Variants in EML6 observed in about 807,000 individuals in gnomAD.
EML6 encodes echinoderm microtubule-associated protein-like 6.
EML6 carries 154 observed loss-of-function variants against 240.1 expected under a neutral mutation model. The ratio of observed to expected loss-of-function variants is 0.64; its 90% confidence interval spans 0.56 to 0.73. The LOEUF (loss-of-function observed/expected upper bound fraction) is 0.73, where lower values mean the gene tolerates loss of function less well. EML6 is among the 30% of genes least tolerant of loss of function. EML6 has a pLI of 0.00. For missense variants in EML6, 2,964 were observed against 2,474.6 expected (o/e 1.20, Z -4.20); for synonymous variants, 1,148 against 899.0 (o/e 1.28, Z -4.95).
At chr2:54,897,358 G>A (rs1157137049) in intron 21 of EML6, among the ~76,000 whole-genome samples, 1 of 152,164 alleles carries the variant, frequency 6.6e-6, no homozygotes, top group Non-Finnish European at 1.5e-5. Flanking sequence ...AATAACCACA[G>A]CAATCATATA....
intron 39 of EML6, among the ~76,000 whole-genome samples, chr2:54,967,681 G>A (rs971874896): frequency 1.3e-5 from 2 of 152,154 alleles, no homozygotes; most frequent in East Asian, 3.9e-4. Flanking sequence ...GAAGGGGACA[G>A]ATGCTTTCAT....
intron 41 of EML6, 82 bp from the exon 42 acceptor site, chr2:54,969,989 C>A: frequency 6.9e-7 from 1 of 1,442,946 alleles, no homozygotes; most frequent in Non-Finnish European, 9.5e-7. Context: ...GACTTTTGAG[C>A]ACTTGGCAAG....
At chr2:54,909,595 C>T (rs929314521) in intron 24 of EML6, among the ~76,000 whole-genome samples, 1 of 152,070 alleles carries the variant, frequency 6.6e-6, no homozygotes, top group Non-Finnish European at 1.5e-5. Context: ...CATATAATCC[C>T]AGCACTTTGG....
chr2:54,872,389 A>T (rs763864416), intron 16 of EML6, among the ~76,000 whole-genome samples: 1 of 152,178 alleles, frequency 6.6e-6, no homozygotes, highest in Non-Finnish European at 1.5e-5. Flanking sequence ...TATAACGTGT[A>T]ATATTATTAA....
intron 2 of EML6, among the ~76,000 whole-genome samples, chr2:54,808,397 G>T (rs112893476): frequency 6.6e-6 from 1 of 152,076 alleles, no homozygotes; most frequent in Non-Finnish European, 1.5e-5. Context: ...CCCTTCTGTC[G>T]TCAGACAATG....
intron 28 of EML6, among the ~76,000 whole-genome samples, chr2:54,935,885 C>G (rs1396617512): frequency 6.6e-6 from 1 of 152,060 alleles, no homozygotes; most frequent in Non-Finnish European, 1.5e-5. Context: ...AAAAAATTAG[C>G]TGGGAATGAA....
intron 21 of EML6, among the ~76,000 whole-genome samples, chr2:54,897,694 CT>C (rs5831328): frequency 0.88 from 130,186 of 147,852 alleles, 57,300 homozygotes; most frequent in Admixed American, 0.89. Flanking sequence ...CATTCTCTCC[CT>C]TTTTTTTTTT....
At chr2:54,905,279 T>C (rs1415554487) in intron 24 of EML6, among the ~76,000 whole-genome samples, 1 of 150,418 alleles carries the variant, frequency 6.6e-6, no homozygotes, top group African/African-American at 2.5e-5. Context: ...TGCTATTCTC[T>C]TGCCAGGTAG....
intron 2 of EML6, among the ~76,000 whole-genome samples, chr2:54,735,618 G>A (rs1422067598): frequency 6.6e-6 from 1 of 152,174 alleles, no homozygotes; most frequent in East Asian, 1.9e-4. Flanking sequence ...CAGCCATTGA[G>A]GACATAATGT....
At position 54,844,207 on chromosome 2, in the gene EML6, G is replaced by C. The variant is rs1354298400; in HGVS notation, c.1008G>C (p.Lys336Asn). 3 of 1,551,596 alleles carry C rather than the reference G, an allele frequency of 1.9e-6. No individual in the cohort carries two copies. In the African/African-American group the frequency reaches 4.1e-5, roughly 21 times the overall value. Residue 336 changes from lysine to asparagine, a missense_variant, in exon 8 of 42, where the codon AAG becomes AAC. Coordinates refer to ENST00000356458, the MANE Select transcript of EML6 (RefSeq NM_001039753.4). ...TCTGGGCTCTGGCCCTGCACCCCAAGAAGCCTCTGGCTGTGACAGGCAGCG... is the reference window on the plus strand; with the variant it reads ...TCTGGGCTCTGGCCCTGCACCCCAACAAGCCTCTGGCTGTGACAGGCAGCG... ...GELWALALHP[K>N]KPLAVTGSDD... is the part of the protein sequence containing the mutation.
chr2:54,899,551 C>A, intron 21 of EML6, 90 bp from the exon 22 acceptor site: 1 of 1,319,500 alleles, frequency 7.6e-7, no homozygotes, highest in East Asian at 2.6e-5. Flanking sequence ...TTTTGTGGTA[C>A]TCTTGGACTG....
At chr2:54,858,266 G>A (rs960972959) in intron 11 of EML6, among the ~76,000 whole-genome samples, 1 of 152,226 alleles carries the variant, frequency 6.6e-6, no homozygotes, top group Non-Finnish European at 1.5e-5. Flanking sequence ...CAGCAAGGCA[G>A]AATCTGCAGT....
chr2:54,907,431 C>T lies in EML6; in HGVS notation c.3410-3523C>T, dbSNP rs530943609. Among the ~76,000 whole-genome samples the T allele has an allele frequency of 8.2e-4, 125 of 152,230 alleles. 2 individuals carry two copies. Among genetic ancestry groups the T allele is most frequent in the African/African-American group, 2.9e-3 (121 of 41,540 alleles). ...CTGAGGCCAGGAGAATCGCTTGAACCGGGAGGCAGAGGTTGCAGGGAGCTG... is the reference window on the plus strand; with the variant it reads ...CTGAGGCCAGGAGAATCGCTTGAACTGGGAGGCAGAGGTTGCAGGGAGCTG... On this transcript the variant is annotated intron_variant, in intron 24 of 41. Coordinates refer to ENST00000356458, the MANE Select transcript of EML6 (RefSeq NM_001039753.4).
chr2:54,970,282 T>C lies in EML6; in HGVS notation c.*187T>C. 1.6e-6 allele frequency: 1 copy of C among 632,396 alleles called. No homozygotes were observed. The highest frequency in any genetic ancestry group is 1.9e-5 in the South Asian group (1 of 53,798). 39.2% of individuals were successfully genotyped at this position (632,396 alleles called of 1,614,324 possible). A position where few individuals can be genotyped will look rare whatever the true frequency, so the allele number is the denominator to read the frequency against. On this transcript the variant is annotated 3_prime_UTR_variant, in exon 42 of 42. Transcript: ENST00000356458. ...TAATCTGGACTCTCCAAAACCGTGA[T>C]GCCACGAAGGAAGGTCAAGTTTTAA...
chr2:54,938,876 T>C (rs1253559631), intron 28 of EML6, among the ~76,000 whole-genome samples: 1 of 152,172 alleles, frequency 6.6e-6, no homozygotes, highest in Non-Finnish European at 1.5e-5. Flanking sequence ...ATTATCTCAT[T>C]TCTGTTGGTG....
chr2:54,844,301 C>A, intron 8 of EML6, 53 bp downstream of exon 8: 1 of 1,402,762 alleles, frequency 7.1e-7, no homozygotes, highest in Non-Finnish European at 9.9e-7. Flanking sequence ...GATTTATTTG[C>A]CCAAATTTGC....
intron 24 of EML6, among the ~76,000 whole-genome samples, chr2:54,909,933 C>T (rs1427742069): frequency 6.7e-6 from 1 of 149,828 alleles, no homozygotes; most frequent in African/African-American, 2.5e-5. Flanking sequence ...AGAACACGAT[C>T]TAAACCAAAA....
intron 16 of EML6, among the ~76,000 whole-genome samples, chr2:54,873,055 A>T (rs1671336591): frequency 2.0e-5 from 3 of 152,234 alleles, no homozygotes; most frequent in Admixed American, 2.0e-4. Context: ...CTACTAAAAA[A>T]AGTGAATGAC....
intron 16 of EML6, among the ~76,000 whole-genome samples, chr2:54,872,758 C>T (rs1007444890): frequency 6.6e-6 from 1 of 152,218 alleles, no homozygotes; most frequent in African/African-American, 2.4e-5. Flanking sequence ...GTGTTCTTTG[C>T]TCATGCTGTT....
Sources: gnomAD v4.1 joint callset for allele counts (sites outside exome capture counted in the v4.1 genomes callset) on GRCh38, gnomAD v4.1.1 for gene constraint, MANE v1.5 for transcripts, NCBI Gene and HGNC (gene_info 2026-07-23, HGNC 2026-07-21) for gene names.